The following HELQ variants were observed in gnomAD, a reference collection of about 807,000 sequenced individuals.
HELQ encodes the protein helicase POLQ-like.
HELQ carries 77 observed loss-of-function variants against 111.6 expected under a neutral mutation model. The ratio of observed to expected loss-of-function variants is 0.69; its 90% CI spans 0.57 to 0.83. The LOEUF (loss-of-function observed/expected upper bound fraction) is 0.83. Among genes scored for constraint, HELQ ranks in the 40% least tolerant of loss-of-function variants. The pLI, the probability that HELQ is intolerant of heterozygous loss-of-function variation, is 0.00. For missense variants in HELQ, 1,200 were observed against 1,288.5 expected (o/e 0.93, Z 1.05); for synonymous variants, 438 against 454.7 (o/e 0.96, Z 0.47).
chr4:83,429,191 G>C (rs372124994), intron 12 of HELQ, among the ~76,000 whole-genome samples: 2 of 152,114 alleles, frequency 1.3e-5, no homozygotes, highest in African/African-American at 4.8e-5. Context: ...CTGTTGCCCA[G>C]CCTGGAGTGC....
At chr4:83,437,757 A>G (rs1720541630) in intron 8 of HELQ, among the ~76,000 whole-genome samples, 1 of 152,098 alleles carries the variant, frequency 6.6e-6, no homozygotes, top group African/African-American at 2.4e-5. Flanking sequence ...TCTGGATGTT[A>G]TAACTGTTTT....
chr4:83,455,340 T>G, intron 1 of HELQ, 57 bp downstream of exon 1: 3 of 1,582,696 alleles, frequency 1.9e-6, no homozygotes, highest in Non-Finnish European at 2.6e-6. Flanking sequence ...TGGTCAACTC[T>G]TTGCATCTGG....
intron 6 of HELQ, among the ~76,000 whole-genome samples, chr4:83,441,855 C>T (rs1035696630): frequency 6.6e-5 from 10 of 151,114 alleles, no homozygotes; most frequent in Admixed American, 2.0e-4. Flanking sequence ...CCCACTGCAG[C>T]CTCAACCTCC....
chr4:83,433,406 G>A (rs1464497114), intron 9 of HELQ, among the ~76,000 whole-genome samples: 2 of 152,104 alleles, frequency 1.3e-5, no homozygotes, highest in Non-Finnish European at 2.9e-5. Context: ...GGTGGCTCAC[G>A]CCTGTAATCC....
At chr4:83,425,002 T>C (rs1244376898) in intron 14 of HELQ, among the ~76,000 whole-genome samples, 1 of 151,912 alleles carries the variant, frequency 6.6e-6, no homozygotes, top group Non-Finnish European at 1.5e-5. Flanking sequence ...GTGTGGTGGC[T>C]CCCAACCTGA....
At chr4:83,415,701 T>G (rs754645380) in intron 17 of HELQ, among the ~76,000 whole-genome samples, 11 of 151,566 alleles carry the variant, frequency 7.3e-5, no homozygotes, top group Non-Finnish European at 1.2e-4. Flanking sequence ...GGCATAATCT[T>G]GGCTCACTAC....
At chr4:83,412,657 C>A (rs1477712366) in intron 17 of HELQ, among the ~76,000 whole-genome samples, 3 of 152,136 alleles carry the variant, frequency 2.0e-5, no homozygotes, top group Non-Finnish European at 4.4e-5. Context: ...AAAACCTTGT[C>A]TCTATTAAAA....
intron 6 of HELQ, among the ~76,000 whole-genome samples, chr4:83,441,667 G>C (rs1204005992): frequency 6.6e-6 from 1 of 151,242 alleles, no homozygotes; most frequent in Non-Finnish European, 1.5e-5. Flanking sequence ...ATCCAAAAAA[G>C]AAACCACACA....
At chr4:83,416,093 T>C (rs1447235207) in intron 17 of HELQ, among the ~76,000 whole-genome samples, 2 of 149,788 alleles carry the variant, frequency 1.3e-5, no homozygotes, top group Non-Finnish European at 3.0e-5. Flanking sequence ...ATTATAGGCG[T>C]GTGCCACCAA....
chr4:83,410,985 TAAA>T (rs770944150), intron 17 of HELQ, among the ~76,000 whole-genome samples: 2 of 132,454 alleles, frequency 1.5e-5, no homozygotes, highest in Non-Finnish European at 1.6e-5. Flanking sequence ...ACCCCATCTC[TAAA>T]AAAAAAAAAA....
At chr4:83,419,133 T>C (rs1739518685) in intron 15 of HELQ, among the ~76,000 whole-genome samples, 1 of 151,630 alleles carries the variant, frequency 6.6e-6, no homozygotes, top group Non-Finnish European at 1.5e-5. Flanking sequence ...CCAAAACAAA[T>C]TGGTAAACTT....
intron 6 of HELQ, among the ~76,000 whole-genome samples, chr4:83,443,049 G>A (rs920810374): frequency 6.6e-6 from 1 of 152,104 alleles, no homozygotes; most frequent in South Asian, 2.1e-4. Flanking sequence ...GAATGCTGCT[G>A]TTGAGGAGTT....
chr4:83,453,131 GA>G, intron 2 of HELQ, 99 bp downstream of exon 2: 1 of 681,916 alleles, frequency 1.5e-6, no homozygotes, highest in Non-Finnish European at 2.5e-6. Flanking sequence ...TTCAAAATGA[GA>G]AACAGTATGG....
chr4:83,423,230 C>A (rs1553927480), intron 14 of HELQ, among the ~76,000 whole-genome samples: 1 of 151,656 alleles, frequency 6.6e-6, no homozygotes, highest in Non-Finnish European at 1.5e-5. Flanking sequence ...TTCAGGAGTT[C>A]AAGACCAGCT....
rs759155101 is a variant in HELQ at position 83,431,652 on chromosome 4, T to A, written c.2295+12A>T. ...GATAACAGTAATAAGATAAAAAATT[T>A]AAGAAAAATACCTTCAAACCAATCA... On this transcript the variant is annotated intron_variant, in intron 11 of 17. Coordinates refer to ENST00000295488, the MANE Select transcript of HELQ (RefSeq NM_133636.5). 6.9e-7 allele frequency: 1 copy of A among 1,451,614 alleles called. No individual in the cohort carries two copies. Among genetic ancestry groups the A allele is most frequent in the Non-Finnish European group, 9.4e-7 (1 of 1,063,612 alleles). The allele number at this position is 1,451,614 out of a possible 1,614,324, so 89.9% of individuals were successfully genotyped here.
At chr4:83,438,030 T>A (rs1442054134) in intron 8 of HELQ, among the ~76,000 whole-genome samples, 1 of 152,246 alleles carries the variant, frequency 6.6e-6, no homozygotes, top group Non-Finnish European at 1.5e-5. Flanking sequence ...TAAGCTTTTA[T>A]AATCAAAATC....
Position 83,446,786 on chromosome 4 carries a change from A to C in HELQ, c.1392+49T>G, listed in dbSNP as rs1436984682. On this transcript the variant is annotated intron_variant, in intron 4 of 17. Transcript: ENST00000295488. ...ATCCACACAATAACCAGAATAATAAATATTTAGTATAATAAAAATATTGAC... is the reference window on the plus strand; with the variant it reads ...ATCCACACAATAACCAGAATAATAACTATTTAGTATAATAAAAATATTGAC... 7.2e-6 allele frequency: 8 copies of C among 1,114,766 alleles called. 1 individual carries two copies. In the South Asian group the frequency reaches 1.1e-4, roughly 16 times the overall value. The allele number at this position is 1,114,766 out of a possible 1,614,324, so 69.1% of individuals were successfully genotyped here.
chr4:83,432,133 T>C lies in HELQ; in HGVS notation c.2183A>G (p.Lys728Arg). ...ESILILQEKD[K>R]QQVLELITKP... Reference sequence around the variant, plus strand: ...AACCAAATTGAGTATTACCTGTTGTTTGTCTTTTTCTTGCAATATGAGGAT... The same window carrying C: ...AACCAAATTGAGTATTACCTGTTGTCTGTCTTTTTCTTGCAATATGAGGAT... The change falls in exon 10 of 18, where the codon AAA (lysine) becomes AGA (arginine). Residue 728 changes from lysine (K) to arginine (R), a missense_variant. Lys to Arg is a conservative substitution (Grantham distance 26). Coordinates refer to ENST00000295488, the MANE Select transcript of HELQ (RefSeq NM_133636.5). The C allele has an allele frequency of 6.3e-7, 1 of 1,578,468 alleles. No homozygotes were observed. The highest frequency in any genetic ancestry group is 8.6e-7 in the Non-Finnish European group (1 of 1,165,180).
chr4:83,423,663 C>G (rs1439170698), intron 14 of HELQ, among the ~76,000 whole-genome samples: 1 of 152,178 alleles, frequency 6.6e-6, no homozygotes, highest in Non-Finnish European at 1.5e-5. Context: ...GTAATCCCAG[C>G]ACTTTTGGAG....
Sources: allele counts gnomAD v4.1 joint callset (sites outside exome capture counted in the v4.1 genomes callset), GRCh38; gene constraint gnomAD v4.1.1; transcripts MANE v1.5; gene names NCBI Gene and HGNC (gene_info 2026-07-23, HGNC 2026-07-21).